Variants in EPHA4 observed in about 807,000 individuals in gnomAD.
EPHA4 encodes the protein ephrin type-A receptor 4.
In EPHA4, 19 loss-of-function variants were observed where a neutral mutation model predicts 108.3. The ratio of observed to expected loss-of-function variants is 0.18; its 90% confidence interval spans 0.12 to 0.26. The LOEUF is 0.26. EPHA4 is among the 10% of genes least tolerant of loss of function. The pLI, the probability that EPHA4 is intolerant of heterozygous loss-of-function variation, is 1.00. For synonymous variants in EPHA4, 449 were observed against 455.5 expected (o/e 0.99, Z 0.18); for missense variants, 917 against 1,254.0 (o/e 0.73, Z 4.06).
At chr2:221,423,644 A>T (rs184884089) in intron 17 of EPHA4, among the ~76,000 whole-genome samples, 15 of 152,244 alleles carry the variant, frequency 9.9e-5, no homozygotes, top group Non-Finnish European at 4.4e-5. Flanking sequence ...AAACAACACC[A>T]GCATAGTATA....
At chr2:221,433,560 C>T (rs1418259374) in intron 14 of EPHA4, among the ~76,000 whole-genome samples, 3 of 151,936 alleles carry the variant, frequency 2.0e-5, no homozygotes, top group South Asian at 2.1e-4. Context: ...ACTCTGGAAT[C>T]TTATTAGTGT....
intron 4 of EPHA4, among the ~76,000 whole-genome samples, chr2:221,490,179 T>C (rs1692098831): frequency 6.8e-6 from 1 of 147,870 alleles, no homozygotes; most frequent in Non-Finnish European, 1.5e-5. Flanking sequence ...GCCATAGCAC[T>C]TTTGTATGTC....
intron 5 of EPHA4, among the ~76,000 whole-genome samples, chr2:221,459,596 CTCTT>C (rs1198172861): frequency 6.6e-6 from 1 of 152,102 alleles, no homozygotes; most frequent in Non-Finnish European, 1.5e-5. Flanking sequence ...CTCACATTTA[CTCTT>C]TCTTTCCTGG....
intron 3 of EPHA4, among the ~76,000 whole-genome samples, chr2:221,518,576 T>C (rs1339759059): frequency 6.6e-6 from 1 of 152,230 alleles, no homozygotes; most frequent in Non-Finnish European, 1.5e-5. Context: ...ATGACACAGT[T>C]GCCTTTAGCA....
chr2:221,482,708 C>T lies in EPHA4; in HGVS notation c.980-18G>A. 6.4e-7 allele frequency: 1 copy of T among 1,565,782 alleles called. No homozygotes were observed. Among genetic ancestry groups the T allele is most frequent in the Non-Finnish European group, 8.7e-7 (1 of 1,149,928 alleles). ...TGGTGGACCTGGAGAAAGAAAACCA[C>T]ATCATCACACCAAGAACCGAAATAC... On this transcript the variant is annotated intron_variant, in intron 4 of 17. Coordinates refer to ENST00000281821, the MANE Select transcript of EPHA4 (RefSeq NM_004438.5).
chr2:221,475,487 G>T (rs1415265424), intron 5 of EPHA4, among the ~76,000 whole-genome samples: 1 of 152,154 alleles, frequency 6.6e-6, no homozygotes, highest in Admixed American at 6.5e-5. Context: ...TTCCACAAAT[G>T]ATACCAGTAT....
chr2:221,496,506 A>G (rs918026368), intron 4 of EPHA4, among the ~76,000 whole-genome samples: 3 of 152,200 alleles, frequency 2.0e-5, no homozygotes, highest in Admixed American at 6.6e-5. Flanking sequence ...ACTTACGACT[A>G]TATCTATTAT....
intron 3 of EPHA4, 134 bp from the exon 4 acceptor site, chr2:221,501,306 T>A: frequency 1.4e-6 from 1 of 703,426 alleles, no homozygotes; most frequent in Non-Finnish European, 2.1e-6. Flanking sequence ...TGGCTTGAAA[T>A]GCAGGTCATG....
At chr2:221,572,324 C>A (rs999305348), upstream of EPHA4, 2 of 1,363,428 alleles carry the variant, frequency 1.5e-6, no homozygotes, top group Non-Finnish European at 2.1e-6. Flanking sequence ...GAGCAGCGGG[C>A]TGAAGACATT....
intron 3 of EPHA4, among the ~76,000 whole-genome samples, chr2:221,533,611 A>G (rs16862805): frequency 6.6e-6 from 1 of 151,776 alleles, no homozygotes; most frequent in African/African-American, 2.4e-5. Flanking sequence ...AACGAGTTCC[A>G]GTCTATGGAG....
chr2:221,462,330 A>G (rs2163246), intron 5 of EPHA4, among the ~76,000 whole-genome samples: 110,860 of 151,756 alleles, frequency 0.73, 40,784 homozygotes, highest in East Asian at 0.87. Flanking sequence ...CCAATGACTC[A>G]TAGATGTCAA....
chr2:221,485,302 C>T (rs1178919303), intron 4 of EPHA4, among the ~76,000 whole-genome samples: 1 of 152,114 alleles, frequency 6.6e-6, no homozygotes, highest in African/African-American at 2.4e-5. Context: ...GACAAAGATG[C>T]TGCAGGATTT....
At chr2:221,456,498 A>G (rs1049796541) in intron 7 of EPHA4, 115 bp downstream of exon 7, 45 of 1,052,482 alleles carry the variant, frequency 4.3e-5, no homozygotes, top group Admixed American at 2.6e-5. Flanking sequence ...TCATTGCAGC[A>G]AAATGTCTGC....
At chr2:221,568,606 G>A (rs769064895) in intron 2 of EPHA4, 112 bp downstream of exon 2, 47 of 764,680 alleles carry the variant, frequency 6.1e-5, no homozygotes, top group African/African-American at 5.1e-4. Context: ...AGGCCACAGC[G>A]GAAATCTGAC....
At chr2:221,512,697 C>T (rs1467012471) in intron 3 of EPHA4, among the ~76,000 whole-genome samples, 41 of 152,154 alleles carry the variant, frequency 2.7e-4, no homozygotes, top group Admixed American at 2.5e-3. Flanking sequence ...TGCAGATTAG[C>T]GTCATTATGT....
chr2:221,445,196 A>G (rs575312521), intron 9 of EPHA4, among the ~76,000 whole-genome samples: 1 of 152,292 alleles, frequency 6.6e-6, no homozygotes, highest in South Asian at 2.1e-4. Context: ...TTGTGTGGCT[A>G]TTGGCTTACA....
intron 5 of EPHA4, among the ~76,000 whole-genome samples, chr2:221,461,103 G>C (rs1473443777): frequency 6.6e-6 from 1 of 152,198 alleles, no homozygotes; most frequent in Non-Finnish European, 1.5e-5. Flanking sequence ...GCCAGTGCTA[G>C]AGAAACAAAG....
At chr2:221,439,198 G>T (rs1382102853) in intron 11 of EPHA4, among the ~76,000 whole-genome samples, 1 of 152,140 alleles carries the variant, frequency 6.6e-6, no homozygotes, top group African/African-American at 2.4e-5. Context: ...GACCAAAGGT[G>T]CATAAAACCA....
intron 8 of EPHA4, among the ~76,000 whole-genome samples, chr2:221,446,463 A>T (rs1690597167): frequency 6.6e-6 from 1 of 152,104 alleles, no homozygotes; most frequent in Admixed American, 6.6e-5. Flanking sequence ...TATAATTTAA[A>T]ATCTCTCAGA....
Sources: allele counts gnomAD v4.1 joint callset (sites outside exome capture counted in the v4.1 genomes callset), GRCh38; gene constraint gnomAD v4.1.1; transcripts MANE v1.5; gene names NCBI Gene and HGNC (gene_info 2026-07-23, HGNC 2026-07-21).